The following GREP1 variants were observed in gnomAD, a reference collection of about 807,000 sequenced individuals.
The protein encoded by GREP1 is glycine rich extracellular protein 1, also known as glycine-rich extracellular protein 1.
chr16:2,996,978 G>A, exon 21 of GREP1: 3 of 399,214 alleles, frequency 7.5e-6, no homozygotes, highest in Non-Finnish European at 1.3e-5. Context: ...GGACCAGGAA[G>A]GGGCAGGGCT....
intron 18 of GREP1, 21 bp from the exon 18 acceptor site, chr16:2,996,475 C>T (rs1317270671): frequency 5.0e-6 from 2 of 398,990 alleles, no homozygotes; most frequent in Non-Finnish European, 8.8e-6. Flanking sequence ...CGTCTCACAC[C>T]CTCCCCGTCC....
chr16:2,989,977 A>G lies in GREP1; in HGVS notation c.134A>G (p.Tyr45Cys). The G allele has an allele frequency of 2.5e-6, 1 of 399,136 alleles. No individual in the cohort carries two copies. Among genetic ancestry groups the G allele is most frequent in the Non-Finnish European group, 4.4e-6 (1 of 226,290 alleles). The allele number at this position is 399,136 out of a possible 1,614,324, so 24.7% of individuals were successfully genotyped here. A position where few individuals can be genotyped will look rare whatever the true frequency, so the allele number is the denominator to read the frequency against. Residue 45 changes from tyrosine to cysteine, a missense_variant, in exon 4 of 35, where the codon TAT becomes TGT. Coordinates refer to ENST00000573315, the Ensembl canonical transcript of GREP1. This position sits in a 1 kb window ranked among gnomAD's most constrained non-coding sequence, Gnocchi z 4.2. The stretch of plus-strand genomic sequence containing the variant: ...CCTCACCTCCCTGTCTCTCCAGGCT[A>G]TGATGGGGGCGTGAAGCCACAGAAG...
At chr16:2,988,966 G>A in intron 2 of GREP1, 2 of 316,516 alleles carry the variant, frequency 6.3e-6, no homozygotes, top group Non-Finnish European at 1.2e-5. Flanking sequence ...GCCTGCTGAG[G>A]GGCAGGAGGT....
At chr16:2,990,754 C>G (rs1042508799) in intron 7 of GREP1, among the ~76,000 whole-genome samples, 167 bp downstream of exon 6, 2 of 152,068 alleles carry the variant, frequency 1.3e-5, no homozygotes, top group Non-Finnish European at 2.9e-5. Flanking sequence ...GGGAAGTGGG[C>G]AGGAGGGGAC....
intron 5 of GREP1, 121 bp downstream of exon 5, chr16:2,990,243 G>C (rs2151089773): frequency 2.5e-6 from 1 of 398,118 alleles, no homozygotes; most frequent in East Asian, 3.6e-5. Context: ...GTCTGGCTTA[G>C]TCCAAGGGGG....
At chr16:3,001,134 C>A in intron 33 of GREP1, 147 bp from the exon 28 acceptor site, 1 of 398,298 alleles carries the variant, frequency 2.5e-6, no homozygotes, top group Non-Finnish European at 4.4e-6. Flanking sequence ...CTCTGTCCCT[C>A]TCCCCCCGGT....
Position 3,000,324 on chromosome 16 carries a change from AG to A in GREP1, c.1300del (p.Val434SerfsTer34). ...TTATGGGAATGGTGTCCTGGGAGCCAGGGTCTTCCCCGAGGCCCACCCACAG... is the reference window on the plus strand; with the variant it reads ...TTATGGGAATGGTGTCCTGGGAGCCAGGTCTTCCCCGAGGCCCACCCACAG... On this transcript the variant is annotated frameshift_variant, in exon 30 of 35. Coordinates refer to ENST00000573315, the Ensembl canonical transcript of GREP1. LOFTEE classifies it high-confidence loss of function. 1 of 399,292 alleles carries A rather than the reference AG, an allele frequency of 2.5e-6. No individual in the cohort carries two copies. Among genetic ancestry groups the A allele is most frequent in the East Asian group, 3.6e-5 (1 of 28,078 alleles). 24.7% of individuals were successfully genotyped at this position (399,292 alleles called of 1,614,324 possible).
Position 2,991,187 on chromosome 16 carries a change from G to A in GREP1, c.322+86G>A, listed in dbSNP as rs72770877. On this transcript the variant is annotated intron_variant, in intron 8 of 34. Transcript: ENST00000573315. This position sits in a 1 kb window ranked among gnomAD's most constrained non-coding sequence, Gnocchi z 4.9. ...GCAGAGTCAGGGCACCAGGAGCTGGGAGAGCTGGGCTCTGGAGGGAGGGCA... is the reference window on the plus strand; with the variant it reads ...GCAGAGTCAGGGCACCAGGAGCTGGAAGAGCTGGGCTCTGGAGGGAGGGCA... 10,849 of 399,018 alleles carry A rather than the reference G, an allele frequency of 0.027. 205 individuals carry two copies. The highest frequency in any genetic ancestry group is 0.035 in the Non-Finnish European group (7,843 of 226,186). 24.7% of individuals were successfully genotyped at this position (399,018 alleles called of 1,614,324 possible).
At chr16:2,996,511 A>G in exon 19 of GREP1, 1 of 398,956 alleles carries the variant, frequency 2.5e-6, no homozygotes, top group South Asian at 1.3e-4. Context: ...GGCCATGGAA[A>G]TGGACCGGGA....
Position 2,989,749 on chromosome 16 carries a change from G to A in GREP1, c.130+197G>A, listed in dbSNP as rs2072389159. 6.6e-6 allele frequency among the ~76,000 whole-genome samples: 1 copy of A among 152,086 alleles called. No individual in the cohort carries two copies. ...GGGGAGAGGGGAAGGCAGGCAGGAA[G>A]AAATGGAGCGGGGAGGGAAGAAAGG... On this transcript the variant is annotated intron_variant, in intron 3 of 34. Transcript: ENST00000573315. This position sits in a 1 kb window ranked among gnomAD's most constrained non-coding sequence, Gnocchi z 4.2.
chr16:2,990,611 G>C (rs991405479), intron 7 of GREP1, 24 bp downstream of exon 6: 1 of 399,098 alleles, frequency 2.5e-6, no homozygotes, highest in African/African-American at 2.1e-5. Flanking sequence ...AAGCGGGTAA[G>C]GAATGGGAGG....
Position 2,992,951 on chromosome 16 carries a change from C to T in GREP1, c.373C>T (p.Pro125Ser). The change falls in exon 10 of 35, where the codon CCC becomes TCC. Residue 125 changes from proline (P) to serine (S), a missense_variant. By Grantham distance (74) the Pro-to-Ser change is moderately conservative. Coordinates refer to ENST00000573315, the Ensembl canonical transcript of GREP1. This position sits in a 1 kb window ranked among gnomAD's most constrained non-coding sequence, Gnocchi z 4.9. ...CCCAGGCTTTGGAGGGGGTGGAAAA[C>T]CCCAGAAGCCAGGTGAGCCACTCCC... The T allele has an allele frequency of 5.0e-6, 2 of 399,042 alleles. No homozygotes were observed. The highest frequency in any genetic ancestry group is 8.8e-6 in the Non-Finnish European group (2 of 226,058). 24.7% of individuals were successfully genotyped at this position (399,042 alleles called of 1,614,324 possible). A position where few individuals can be genotyped will look rare whatever the true frequency, so the allele number is the denominator to read the frequency against.
chr16:2,990,139 C>G lies in GREP1; in HGVS notation c.199+17C>G. The G allele has an allele frequency of 5.0e-6, 2 of 399,240 alleles. No homozygotes were observed. The highest frequency in any genetic ancestry group is 8.8e-6 in the Non-Finnish European group (2 of 226,150). The allele number at this position is 399,240 out of a possible 1,614,324, so 24.7% of individuals were successfully genotyped here. ...CCCAGCCAGGTGAGAGCCGTGGGGT[C>G]CCCTCCTTCCCTCCCTCCCAGGCCT... On this transcript the variant is annotated intron_variant, in intron 5 of 34. Transcript: ENST00000573315.
intron 26 of GREP1, 188 bp downstream of exon 24, chr16:2,999,167 A>G (rs1284457041): frequency 7.5e-6 from 3 of 398,656 alleles, no homozygotes; most frequent in Non-Finnish European, 1.3e-5. Flanking sequence ...GGTCCCCAGT[A>G]TGGGAGTCCT....
intron 11 of GREP1, 39 bp downstream of exon 12, chr16:2,994,766 G>C: frequency 2.5e-6 from 1 of 399,226 alleles, no homozygotes; most frequent in Non-Finnish European, 4.4e-6. Flanking sequence ...CCCAGAGCTG[G>C]GGCCCCAGGT....
chr16:3,000,938 C>T, intron 33 of GREP1, 111 bp downstream of exon 27: 1 of 397,964 alleles, frequency 2.5e-6, no homozygotes, highest in Non-Finnish European at 4.4e-6. Context: ...GTACAGCCCT[C>T]TTGGCGGAGG....
chr16:2,995,932 G>C (rs764913194), intron 18 of GREP1, 161 bp downstream of exon 17: 28 of 395,796 alleles, frequency 7.1e-5, no homozygotes, highest in Non-Finnish European at 1.2e-4. Flanking sequence ...TGGGGTAGGA[G>C]CCCAGGCTTT....
intron 27 of GREP1, among the ~76,000 whole-genome samples, 168 bp from the exon 25 acceptor site, chr16:2,999,734 G>A (rs1463555117): frequency 6.6e-6 from 1 of 152,178 alleles, no homozygotes; most frequent in East Asian, 1.9e-4. Context: ...TTACAGGCGT[G>A]AGCCACTGCG....
rs1295790578 is a variant in GREP1, at chr16:2,992,975, CCT to C, written c.385+13_385+14del. On this transcript the variant is annotated intron_variant, in intron 10 of 34. Coordinates refer to ENST00000573315, the Ensembl canonical transcript of GREP1. This position sits in a 1 kb window ranked among gnomAD's most constrained non-coding sequence, Gnocchi z 4.9. Reference sequence around the variant, plus strand: ...ACCCCAGAAGCCAGGTGAGCCACTCCCTGTCCCTGTCTCCCTGCCCATTTCCT... The same window carrying C: ...ACCCCAGAAGCCAGGTGAGCCACTCCGTCCCTGTCTCCCTGCCCATTTCCT... The C allele has an allele frequency of 2.5e-6, 1 of 399,062 alleles. No individual in the cohort carries two copies. The highest frequency in any genetic ancestry group is 4.4e-6 in the Non-Finnish European group (1 of 226,070). The allele number at this position is 399,062 out of a possible 1,614,324, so 24.7% of individuals were successfully genotyped here.
Sources: gnomAD v4.1 joint callset for allele counts (sites outside exome capture counted in the v4.1 genomes callset) on GRCh38, gnomAD v4.1.1 for gene constraint, Gnocchi (gnomAD v3.1) non-coding constraint, MANE v1.5 for transcripts, NCBI Gene and HGNC (gene_info 2026-07-23, HGNC 2026-07-21) for gene names.